The following ADH1C variants were observed in gnomAD, a reference collection of about 807,000 sequenced individuals.
The protein encoded by ADH1C is alcohol dehydrogenase 1C (class I), gamma polypeptide, also known as alcohol dehydrogenase 1C.
A neutral mutation model predicts 35.0 loss-of-function variants in ADH1C; 26 were observed. The ratio of observed to expected loss-of-function variants is 0.74; its 90% CI spans 0.54 to 1.03. ADH1C has a LOEUF of 1.03. ADH1C is among the 50% of genes least tolerant of loss of function. The pLI, the probability that ADH1C is intolerant of heterozygous loss-of-function variation, is 0.00. For missense variants in ADH1C, 413 were observed against 465.4 expected (o/e 0.89, Z 1.04); for synonymous variants, 170 against 169.3 (o/e 1.00, Z -0.03).
chr4:99,345,861 C>G (rs528290596), intron 3 of ADH1C, among the ~76,000 whole-genome samples: 5 of 152,192 alleles, frequency 3.3e-5, no homozygotes, highest in Non-Finnish European at 7.4e-5. Flanking sequence ...TACAGAAATT[C>G]GTCTGAAAAT....
intron 1 of ADH1C, 108 bp from the exon 2 acceptor site, chr4:99,347,954 T>G: frequency 8.0e-7 from 1 of 1,255,242 alleles, no homozygotes; most frequent in Non-Finnish European, 1.1e-6. Context: ...GTCTGGCACC[T>G]AACAAGTGTT....
Position 99,336,712 on chromosome 4 carries a change from G to C in ADH1C, c.*40C>G. ...TTGCTCCAGATCATGTAGGGTAGAG[G>C]AGGCTGAAAACTGCTACAAGGGAAG... On this transcript the variant is annotated 3_prime_UTR_variant, in exon 9 of 9. Coordinates refer to ENST00000515683, the MANE Select transcript of ADH1C (RefSeq NM_000669.5). 6.2e-7 allele frequency: 1 copy of C among 1,609,218 alleles called. No individual in the cohort carries two copies. The highest frequency in any genetic ancestry group is 2.2e-5 in the East Asian group (1 of 44,832).
chr4:99,346,588 A>G (rs1295146871), intron 3 of ADH1C, among the ~76,000 whole-genome samples: 1 of 151,990 alleles, frequency 6.6e-6, no homozygotes, highest in Non-Finnish European at 1.5e-5. Context: ...CATTTTGTGA[A>G]CTCAGCACAG....
At chr4:99,349,299 T>G (rs1734616887) in intron 1 of ADH1C, among the ~76,000 whole-genome samples, 1 of 151,604 alleles carries the variant, frequency 6.6e-6, no homozygotes, top group South Asian at 2.1e-4. Context: ...TGAATTAATT[T>G]TTGTATAAGG....
At chr4:99,336,800 T>G in intron 8 of ADH1C, 24 bp from the exon 9 acceptor site, 1 of 1,613,476 alleles carries the variant, frequency 6.2e-7, no homozygotes, top group Non-Finnish European at 8.5e-7. Context: ...GAAGAGACAT[T>G]GTGTTAACAT....
At chr4:99,342,538 A>T (rs2866153) in intron 6 of ADH1C, among the ~76,000 whole-genome samples, 12,079 of 152,230 alleles carry the variant, frequency 0.079, 578 homozygotes, top group Non-Finnish European at 0.1. Context: ...AATAAAGCAT[A>T]TTTGTAGTGG....
At chr4:99,345,366 A>G in intron 3 of ADH1C, 100 bp from the exon 4 acceptor site, 1 of 1,239,508 alleles carries the variant, frequency 8.1e-7, no homozygotes, top group Non-Finnish European at 1.1e-6. Context: ...ATGTGTCTGA[A>G]AAGTTTCTAA....
In ADH1C at chr4:99,339,429, T is replaced by A. The variant is rs912055697; in HGVS notation, c.1103+148A>T. 7.1e-6 allele frequency: 5 copies of A among 705,300 alleles called. No individual in the cohort carries two copies. The African/African-American group carries it at 7.4e-5, about 10-fold the overall frequency. 43.7% of individuals were successfully genotyped at this position (705,300 alleles called of 1,614,324 possible). A position where few individuals can be genotyped will look rare whatever the true frequency, so the allele number is the denominator to read the frequency against. ...ACAGTATTACCTTACATGTGCTCCA[T>A]GCAAAGATTGAACTGGCAATGGAAA... On this transcript the variant is annotated intron_variant, in intron 8 of 8. Coordinates refer to ENST00000515683, the MANE Select transcript of ADH1C (RefSeq NM_000669.5).
intron 5 of ADH1C, among the ~76,000 whole-genome samples, chr4:99,343,772 A>C (rs1560537435): frequency 6.6e-6 from 1 of 152,196 alleles, no homozygotes; most frequent in Non-Finnish European, 1.5e-5. Flanking sequence ...GAGGCAATTG[A>C]ACAAGGGAGT....
At chr4:99,352,212 ACTT>A (rs1734693515) in intron 1 of ADH1C, among the ~76,000 whole-genome samples, 1 of 74,478 alleles carries the variant, frequency 1.3e-5, no homozygotes, top group Non-Finnish European at 4.2e-5. Context: ...GTTTTGTCAG[ACTT>A]CTTGTGTTCA....
chr4:99,339,807 A>G (rs1045776651), intron 7 of ADH1C, 92 bp from the exon 8 acceptor site: 1 of 1,294,730 alleles, frequency 7.7e-7, no homozygotes, highest in Non-Finnish European at 1.1e-6. Context: ...GTTTAGAAAA[A>G]GTGCTGCATT....
chr4:99,349,545 G>A (rs569993950), intron 1 of ADH1C, among the ~76,000 whole-genome samples: 1 of 152,184 alleles, frequency 6.6e-6, no homozygotes, highest in Admixed American at 6.5e-5. Context: ...TCAATTTTCT[G>A]CTTAGGCCAA....
chr4:99,347,223 A>G, intron 2 of ADH1C, 79 bp from the exon 3 acceptor site: 1 of 1,514,750 alleles, frequency 6.6e-7, no homozygotes, highest in Non-Finnish European at 8.9e-7. Flanking sequence ...AATTTTCTAA[A>G]ATTGTTATTC....
chr4:99,336,862 C>T (rs1734289602), intron 8 of ADH1C, 86 bp from the exon 9 acceptor site: 2 of 1,577,952 alleles, frequency 1.3e-6, no homozygotes, highest in South Asian at 1.1e-5. Flanking sequence ...TTTGAGGTGA[C>T]TTAGTGAAAA....
intron 8 of ADH1C, among the ~76,000 whole-genome samples, chr4:99,338,116 CTATGAAAGTA>C (rs1162855911): frequency 4.6e-5 from 7 of 151,448 alleles, no homozygotes; most frequent in Non-Finnish European, 7.4e-5. Context: ...GTATCAATTA[CTATGAAAGTA>C]TATGAAAGCA....
At chr4:99,352,240 A>C (rs1734694448) in intron 1 of ADH1C, among the ~76,000 whole-genome samples, 1 of 152,240 alleles carries the variant, frequency 6.6e-6, no homozygotes, top group Non-Finnish European at 1.5e-5. Context: ...AAATATGAAT[A>C]CAAATAATAA....
At chr4:99,349,843 CAT>C (rs1331644490) in intron 1 of ADH1C, among the ~76,000 whole-genome samples, 2 of 134,058 alleles carry the variant, frequency 1.5e-5, no homozygotes, top group African/African-American at 5.0e-5. Flanking sequence ...AGACCACACA[CAT>C]GTATTTAAAA....
intron 1 of ADH1C, 34 bp from the exon 2 acceptor site, chr4:99,347,880 T>A (rs775130411): frequency 5.0e-6 from 8 of 1,610,440 alleles, no homozygotes; most frequent in Non-Finnish European, 5.9e-6. Flanking sequence ...GTACCAGTGT[T>A]TTCCCACGCT....
intron 1 of ADH1C, among the ~76,000 whole-genome samples, chr4:99,351,485 T>C (rs1177752396): frequency 6.6e-6 from 1 of 152,264 alleles, no homozygotes; most frequent in Admixed American, 6.5e-5. Context: ...ATGATTGGTT[T>C]ATACTTTTGC....
Sources: gnomAD v4.1 joint callset for allele counts (sites outside exome capture counted in the v4.1 genomes callset) on GRCh38, gnomAD v4.1.1 for gene constraint, MANE v1.5 for transcripts, NCBI Gene and HGNC (gene_info 2026-07-23, HGNC 2026-07-21) for gene names.